The following TENM1 variants were observed in gnomAD, a reference collection of about 807,000 sequenced individuals.
The protein encoded by TENM1 is teneurin-1.
A neutral mutation model predicts 174.8 loss-of-function variants in TENM1; 35 were observed. The ratio of observed to expected loss-of-function variants is 0.20; its 90% CI spans 0.15 to 0.27. The LOEUF (loss-of-function observed/expected upper bound fraction) is 0.27, where lower values mean the gene tolerates loss of function less well. Among genes scored for constraint, TENM1 ranks in the 10% least tolerant of loss-of-function variants. The pLI is 1.00. For missense variants in TENM1, 1,633 were observed against 2,130.1 expected (o/e 0.77, Z 4.59); for synonymous variants, 781 against 798.7 (o/e 0.98, Z 0.37).
chrX:124,739,563 G>T (rs2053754330), intron 3 of TENM1, among the ~76,000 whole-genome samples: 1 of 111,173 alleles, frequency 9.0e-6, no homozygotes, highest in Non-Finnish European at 1.9e-5. Flanking sequence ...CCACCCCCAT[G>T]GGTTATGTTA....
chrX:125,048,546 T>G, the TENM1 span, among the ~76,000 whole-genome samples: 2 of 111,419 alleles, frequency 1.8e-5, no homozygotes, highest in South Asian at 7.6e-4. Flanking sequence ...GCAGTATCAA[T>G]CTACCACCAT....
At chrX:125,022,400 G>A in the TENM1 span, among the ~76,000 whole-genome samples, 4 of 111,715 alleles carry the variant, frequency 3.6e-5, no homozygotes, top group Middle Eastern at 4.6e-3. Context: ...ACCAGGGTTC[G>A]ATAAAATTTG....
At chrX:124,918,378 C>T (rs1194564710) in intron 1 of TENM1, among the ~76,000 whole-genome samples, 2 of 110,075 alleles carry the variant, frequency 1.8e-5, no homozygotes, top group Non-Finnish European at 3.8e-5. Flanking sequence ...TGGGGTTTCA[C>T]CATGCTGGCC....
exon 32 of TENM1, chrX:124,378,477 AG>A (rs2060124213): frequency 8.9e-6 from 1 of 112,200 alleles, no homozygotes; most frequent in South Asian, 3.7e-4. Flanking sequence ...ATTTTCAACA[AG>A]TTTGTTAGTA....
the TENM1 span, among the ~76,000 whole-genome samples, chrX:124,983,898 A>G: frequency 9.0e-6 from 1 of 111,683 alleles, no homozygotes; most frequent in East Asian, 2.8e-4. Context: ...TACAAGCATG[A>G]ACCACTGTGC....
chrX:124,923,968 T>C (rs2058057855), intron 1 of TENM1, among the ~76,000 whole-genome samples: 1 of 112,558 alleles, frequency 8.9e-6, no homozygotes, highest in South Asian at 3.6e-4. Flanking sequence ...TTGTGTTGTT[T>C]TAAGCCACTA....
the TENM1 span, among the ~76,000 whole-genome samples, chrX:125,081,208 T>C: frequency 1.8e-5 from 2 of 111,327 alleles, no homozygotes; most frequent in Non-Finnish European, 3.8e-5. Context: ...GAGTAATTTA[T>C]ATGGAGTGTG....
chrX:124,588,728 T>G (rs1308492802), intron 11 of TENM1, among the ~76,000 whole-genome samples: 2 of 111,560 alleles, frequency 1.8e-5, no homozygotes, highest in African/African-American at 6.5e-5. Flanking sequence ...AAATGCTATT[T>G]ATTTTTGTAC....
intron 3 of TENM1, among the ~76,000 whole-genome samples, chrX:124,837,035 T>C (rs990526876): frequency 8.0e-5 from 9 of 112,412 alleles, no homozygotes; most frequent in South Asian, 3.7e-4. Flanking sequence ...TCTAGATTCT[T>C]GTCTGAGCCC....
chrX:124,995,621 G>A, the TENM1 span, among the ~76,000 whole-genome samples: 1 of 111,152 alleles, frequency 9.0e-6, no homozygotes, highest in Admixed American at 9.6e-5. Flanking sequence ...TTTTCACCAA[G>A]GGGAGTATAT....
At chrX:124,678,703 G>A (rs1205531500) in intron 5 of TENM1, among the ~76,000 whole-genome samples, 1 of 111,109 alleles carries the variant, frequency 9.0e-6, no homozygotes, top group Non-Finnish European at 1.9e-5. Context: ...AAAGGGATTG[G>A]CTGTCCAAAA....
At chrX:124,894,769 T>C (rs1468402697) in intron 2 of TENM1, among the ~76,000 whole-genome samples, 1 of 111,522 alleles carries the variant, frequency 9.0e-6, no homozygotes, top group African/African-American at 3.3e-5. Flanking sequence ...TCATTGTTTT[T>C]CCCAACTGAA....
chrX:125,184,936 T>C, the TENM1 span, among the ~76,000 whole-genome samples: 1 of 111,712 alleles, frequency 9.0e-6, no homozygotes, highest in Non-Finnish European at 1.9e-5. Context: ...CACCTAACAG[T>C]GGACTGACTA....
intron 1 of TENM1, among the ~76,000 whole-genome samples, chrX:124,931,905 G>A (rs201909608): frequency 3.7e-5 from 4 of 108,923 alleles, no homozygotes; most frequent in African/African-American, 1.0e-4. Flanking sequence ...ACACGTACAC[G>A]CACACACACC....
intron 3 of TENM1, among the ~76,000 whole-genome samples, chrX:124,806,274 G>GA (rs966712997): frequency 8.1e-5 from 9 of 111,429 alleles, no homozygotes; most frequent in Non-Finnish European, 5.7e-5. Context: ...TCAAAGGAGA[G>GA]AAAAAAAGAA....
intron 3 of TENM1, among the ~76,000 whole-genome samples, chrX:124,794,517 A>G (rs753070581): frequency 9.0e-6 from 1 of 110,939 alleles, no homozygotes; most frequent in East Asian, 2.9e-4. Flanking sequence ...TCAGAAATAT[A>G]TCTTCTCTCT....
In TENM1 at chrX:124,820,492, G is replaced by T. The variant is rs367903576; in HGVS notation, c.535+73804C>A. Reference sequence around the variant, plus strand: ...TTTTACCAAGAATCACAAAGTCCCAGCATTAGAAGGGTCCTTGAAGTTCAT... The same window carrying T: ...TTTTACCAAGAATCACAAAGTCCCATCATTAGAAGGGTCCTTGAAGTTCAT... On this transcript the variant is annotated intron_variant, in intron 3 of 31. Transcript: ENST00000422452. Among the ~76,000 whole-genome samples, 6 of 111,542 alleles carry T rather than the reference G, an allele frequency of 5.4e-5. No homozygotes were observed. The East Asian group carries it at 1.7e-3, about 31-fold the overall frequency.
intron 1 of TENM1, among the ~76,000 whole-genome samples, chrX:124,930,948 G>A (rs1056901553): frequency 9.9e-5 from 11 of 111,618 alleles, no homozygotes; most frequent in Non-Finnish European, 2.1e-4. Flanking sequence ...GCATCAAACA[G>A]TCTTTTAGAG....
At chrX:125,185,454 T>C in the TENM1 span, among the ~76,000 whole-genome samples, 17 of 112,081 alleles carry the variant, frequency 1.5e-4, no homozygotes, top group Admixed American at 2.8e-4. Flanking sequence ...GACTAAAAAT[T>C]ATGAGGTACA....
Sources: gnomAD v4.1 joint callset for allele counts (sites outside exome capture counted in the v4.1 genomes callset) on GRCh38, gnomAD v4.1.1 for gene constraint, MANE v1.5 for transcripts, NCBI Gene and HGNC (gene_info 2026-07-23, HGNC 2026-07-21) for gene names.